The following IFT122 variants were observed in gnomAD, a reference collection of about 807,000 sequenced individuals.
The protein encoded by IFT122 is intraflagellar transport 122.
Under a neutral mutation model 161.6 loss-of-function variants are expected in IFT122, and 118 were observed. The ratio of observed to expected loss-of-function variants is 0.73; its 90% CI spans 0.63 to 0.85. The LOEUF is 0.85. IFT122 is among the 40% of genes least tolerant of loss of function. The probability of loss-of-function intolerance (pLI) is 0.00; values close to 1 mark genes in which losing one functional copy is unlikely to be tolerated. For missense variants in IFT122, 1,381 were observed against 1,579.6 expected, an observed-to-expected ratio of 0.87 and a Z score of 2.13; for synonymous variants, 550 against 602.4, an observed-to-expected ratio of 0.91 and a Z score of 1.27.
At chr3:129,458,777 A>C in intron 4 of IFT122, 100 bp downstream of exon 4, 1 of 876,198 alleles carries the variant, frequency 1.1e-6, no homozygotes, top group Non-Finnish European at 1.9e-6. Flanking sequence ...TTTTTCTCTT[A>C]AATTGAACTT....
intron 1 of IFT122, among the ~76,000 whole-genome samples, chr3:129,447,967 G>C (rs1023733975): frequency 5.9e-5 from 9 of 152,246 alleles, no homozygotes; most frequent in South Asian, 4.2e-4. Context: ...CAGACGGTTG[G>C]GGGGGCTTAC....
At chr3:129,499,106 C>G in intron 18 of IFT122, among the ~76,000 whole-genome samples, 1 of 152,232 alleles carries the variant, frequency 6.6e-6, no homozygotes, top group Non-Finnish European at 1.5e-5. Context: ...CTCTCCTGAG[C>G]ACCTTCCCTG....
intron 1 of IFT122, among the ~76,000 whole-genome samples, chr3:129,442,134 A>C (rs1178381492): frequency 6.6e-6 from 1 of 152,142 alleles, no homozygotes; most frequent in East Asian, 1.9e-4. Context: ...CAAATAAAAC[A>C]TTTGCTGGCC....
chr3:129,516,447 C>G (rs368274438), intron 26 of IFT122, among the ~76,000 whole-genome samples: 1 of 146,364 alleles, frequency 6.8e-6, no homozygotes, highest in South Asian at 2.2e-4. Flanking sequence ...CCCCTGCCCA[C>G]ACACACAGAG....
At chr3:129,500,090 G>A (rs1460549796) in intron 19 of IFT122, 22 bp downstream of exon 19, 39 of 1,613,824 alleles carry the variant, frequency 2.4e-5, no homozygotes, top group Non-Finnish European at 3.1e-5. Flanking sequence ...TCCCTGCCCC[G>A]AGAAGCATTT....
intron 26 of IFT122, among the ~76,000 whole-genome samples, chr3:129,516,248 A>G (rs1432114380): frequency 1.4e-5 from 2 of 143,530 alleles, no homozygotes; most frequent in Non-Finnish European, 3.0e-5. Flanking sequence ...CCCTGCGTGC[A>G]CACACAGACT....
chr3:129,499,532 A>G (rs2081283286), intron 18 of IFT122, among the ~76,000 whole-genome samples: 2 of 152,218 alleles, frequency 1.3e-5, no homozygotes, highest in South Asian at 2.1e-4. Context: ...TGACCAAACT[A>G]TGTGAGAGAG....
intron 1 of IFT122, among the ~76,000 whole-genome samples, chr3:129,445,070 A>T (rs908329703): frequency 2.6e-5 from 4 of 152,200 alleles, no homozygotes; most frequent in Admixed American, 6.5e-5. Context: ...TCACACTTAA[A>T]ATCCCAGCAC....
chr3:129,470,238 TTTTATTTA>T (rs143376223), intron 9 of IFT122, among the ~76,000 whole-genome samples: 9 of 151,178 alleles, frequency 6.0e-5, no homozygotes, highest in East Asian at 1.9e-4. Context: ...GGGTATGATT[TTTTATTTA>T]TTTATTTATT....
chr3:129,458,262 T>G (rs1423433069), intron 3 of IFT122, among the ~76,000 whole-genome samples: 1 of 152,206 alleles, frequency 6.6e-6, no homozygotes, highest in African/African-American at 2.4e-5. Flanking sequence ...CATGTTGTAT[T>G]TGTGTTAGAT....
At chr3:129,471,381 C>T (rs2077354851) in intron 9 of IFT122, among the ~76,000 whole-genome samples, 1 of 152,176 alleles carries the variant, frequency 6.6e-6, no homozygotes. Flanking sequence ...ATCTAGTTTC[C>T]CTGGCCCTCT....
intron 3 of IFT122, among the ~76,000 whole-genome samples, chr3:129,452,466 C>T (rs978794480): frequency 2.6e-5 from 4 of 151,864 alleles, no homozygotes; most frequent in African/African-American, 7.3e-5. Context: ...AGGGTGGGCT[C>T]ATTGAGATGA....
At position 129,499,918 on chromosome 3, in the gene IFT122, G is replaced by C. The variant is rs751777295; in HGVS notation, c.2225G>C (p.Gly742Ala). 1.9e-6 allele frequency: 3 copies of C among 1,614,142 alleles called. No individual in the cohort carries two copies. The highest frequency in any genetic ancestry group is 2.2e-5 in the South Asian group (2 of 91,080). ...CTTCCTCAGGATTTCCTTGGATCTG[G>C]AGACCCCAAAGAAACAAAGATGCTA... ...FEYAKDFLGS[G>A]DPKETKMLIT... is the part of the protein sequence containing the mutation. Residue 742 changes from glycine to alanine, a missense_variant, in exon 19 of 30, where the codon GGA (glycine) becomes GCA (alanine). By Grantham distance (60) the Gly-to-Ala change is moderately conservative. Around this residue, in one of 7 missense-constraint regions of IFT122, gnomAD observed 496 missense variants for 502.5 expected, o/e 0.99. Transcript: ENST00000348417.
At position 129,455,247 on chromosome 3, in the gene IFT122, A is replaced by T. The variant is rs148959438; in HGVS notation, c.193+3249A>T. Among the ~76,000 whole-genome samples the T allele has an allele frequency of 9.1e-3, 1,374 of 151,502 alleles. 22 individuals are homozygous for T. Among genetic ancestry groups the T allele is most frequent in the African/African-American group, 0.032 (1,305 of 41,220 alleles). On this transcript the variant is annotated intron_variant, in intron 3 of 29. Transcript: ENST00000348417. Reference sequence around the variant, plus strand: ...GAGTGCAGTGGCGCGATCTCGGCTCATGGCAACCTCTGACTCCCTGGTTCA... The same window carrying T: ...GAGTGCAGTGGCGCGATCTCGGCTCTTGGCAACCTCTGACTCCCTGGTTCA...
At chr3:129,487,110 TCCA>T (rs1452779776) in intron 15 of IFT122, among the ~76,000 whole-genome samples, 1 of 152,134 alleles carries the variant, frequency 6.6e-6, no homozygotes, top group Non-Finnish European at 1.5e-5. Flanking sequence ...TACTTCAAGC[TCCA>T]CATTTGGGAA....
intron 8 of IFT122, among the ~76,000 whole-genome samples, chr3:129,467,997 GCCCAGCCCAGA>G (rs763367383): frequency 2.0e-5 from 3 of 152,242 alleles, no homozygotes; most frequent in Non-Finnish European, 2.9e-5. Context: ...CAGGGACTGA[GCCCAGCCCAGA>G]GCCATATGTG....
chr3:129,470,598 TCTCA>T (rs1490949567), intron 9 of IFT122, among the ~76,000 whole-genome samples: 2 of 148,542 alleles, frequency 1.3e-5, no homozygotes, highest in Non-Finnish European at 1.5e-5. Flanking sequence ...TGAGACAGAG[TCTCA>T]CTCTGTCGCC....
rs1346530580 is a variant in IFT122 at position 129,485,609 on chromosome 3, C to T, written c.1851+1927C>T. Among the ~76,000 whole-genome samples the T allele has an allele frequency of 3.8e-4, 58 of 152,384 alleles. 1 individual carries two copies. The highest frequency in any genetic ancestry group is 3.7e-3 in the Admixed American group (57 of 15,308). ...CCACATCCACCAGGAACTCATCTCCCTCAATTGCCCCAAACTAGCTCTGCT... is the reference window on the plus strand; with the variant it reads ...CCACATCCACCAGGAACTCATCTCCTTCAATTGCCCCAAACTAGCTCTGCT... On this transcript the variant is annotated intron_variant, in intron 15 of 29. Transcript: ENST00000348417.
chr3:129,500,793 A>C (rs1325991206), intron 19 of IFT122, among the ~76,000 whole-genome samples: 1 of 152,180 alleles, frequency 6.6e-6, no homozygotes, highest in Non-Finnish European at 1.5e-5. Flanking sequence ...TGGGCTGGCC[A>C]CACTGGAAGG....
Sources: gnomAD v4.1 joint callset for allele counts (sites outside exome capture counted in the v4.1 genomes callset) on GRCh38, gnomAD v4.1.1 for gene constraint, gnomAD v4.1.1 regional missense constraint, MANE v1.5 for transcripts, NCBI Gene and HGNC (gene_info 2026-07-23, HGNC 2026-07-21) for gene names.